The following PPHLN1 variants were observed in gnomAD, a reference collection of about 807,000 sequenced individuals.
The protein encoded by PPHLN1 is periphilin-1.
In PPHLN1, 29 loss-of-function variants were observed where a neutral mutation model predicts 51.3. The ratio of observed to expected loss-of-function variants is 0.57; its 90% CI spans 0.42 to 0.77. PPHLN1 has a LOEUF of 0.77. Among genes scored for constraint, PPHLN1 ranks in the 30% least tolerant of loss-of-function variants. The pLI, the probability that PPHLN1 is intolerant of heterozygous loss-of-function variation, is 0.00. For synonymous variants in PPHLN1, 147 were observed against 147.8 expected, an observed-to-expected ratio of 0.99 and a Z score of 0.04; for missense variants, 436 against 438.4, an observed-to-expected ratio of 0.99 and a Z score of 0.05.
At chr12:42,432,421 A>G in intron 9 of PPHLN1, 1 of 757,020 alleles carries the variant, frequency 1.3e-6, no homozygotes, top group South Asian at 1.4e-5. Context: ...CTTTAGTGCC[A>G]ACAAATACAA....
chr12:42,425,425 C>T (rs987508560), intron 9 of PPHLN1, among the ~76,000 whole-genome samples: 5 of 143,154 alleles, frequency 3.5e-5, no homozygotes, highest in Admixed American at 7.0e-5. Flanking sequence ...CTTGCTCTGT[C>T]GCCCAGGCTG....
At chr12:42,420,678 T>A (rs1013115741) in intron 9 of PPHLN1, among the ~76,000 whole-genome samples, 1 of 16,088 alleles carries the variant, frequency 6.2e-5, no homozygotes, top group Non-Finnish European at 1.2e-4. Flanking sequence ...CGCCCTCCCC[T>A]CCCCTCCCCT....
At chr12:42,335,633 A>G (rs1433301015) in intron 1 of PPHLN1, among the ~76,000 whole-genome samples, 1 of 150,784 alleles carries the variant, frequency 6.6e-6, no homozygotes, top group Non-Finnish European at 1.5e-5. Context: ...GATGGCAACA[A>G]TCTCTTTGAA....
At chr12:42,409,266 T>A (rs2079592944) in intron 9 of PPHLN1, among the ~76,000 whole-genome samples, 1 of 152,022 alleles carries the variant, frequency 6.6e-6, no homozygotes, top group Non-Finnish European at 1.5e-5. Context: ...AATGGACAAC[T>A]CCTGTCACTT....
intron 2 of PPHLN1, among the ~76,000 whole-genome samples, chr12:42,341,253 A>G (rs2137927583): frequency 6.6e-6 from 1 of 152,314 alleles, no homozygotes; most frequent in East Asian, 1.9e-4. Context: ...TGCTGGGATT[A>G]CAGGCGTGAG....
chr12:42,354,201 T>C (rs1415079286), intron 3 of PPHLN1, among the ~76,000 whole-genome samples: 1 of 152,212 alleles, frequency 6.6e-6, no homozygotes, highest in Non-Finnish European at 1.5e-5. Context: ...TTGCATATTG[T>C]ATTATTCTAT....
rs193018404 is a variant in PPHLN1 at position 42,372,145 on chromosome 12, A to G, written c.300-2718A>G. Reference sequence around the variant, plus strand: ...TACATTATATAATACACACACACATATCTGAAAAAATGGCTAATATTACCA... The same window carrying G: ...TACATTATATAATACACACACACATGTCTGAAAAAATGGCTAATATTACCA... On this transcript the variant is annotated intron_variant, in intron 4 of 9. Coordinates refer to ENST00000358314, the MANE Select transcript of PPHLN1 (RefSeq NM_201439.2). Among the ~76,000 whole-genome samples the G allele has an allele frequency of 1.6e-3, 249 of 152,014 alleles. 1 individual carries two copies. The highest frequency in any genetic ancestry group is 5.8e-3 in the African/African-American group (241 of 41,262).
intron 5 of PPHLN1, among the ~76,000 whole-genome samples, chr12:42,383,949 A>G (rs1341309559): frequency 7.7e-6 from 1 of 130,532 alleles, no homozygotes; most frequent in Non-Finnish European, 1.6e-5. Context: ...ACGCCACTGC[A>G]CTCCAGCCTG....
intron 5 of PPHLN1, 75 bp downstream of exon 5, chr12:42,375,149 T>G (rs1393859521): frequency 1.7e-6 from 2 of 1,161,524 alleles, no homozygotes; most frequent in African/African-American, 3.1e-5. Context: ...GATTTCCTTC[T>G]AGGTGTAAGA....
intron 4 of PPHLN1, among the ~76,000 whole-genome samples, chr12:42,364,116 C>G (rs2075009164): frequency 6.6e-6 from 1 of 152,054 alleles, no homozygotes; most frequent in African/African-American, 2.4e-5. Context: ...CCCAGCTACT[C>G]AGGAGACTGA....
chr12:42,384,883 G>T (rs2077062034), intron 5 of PPHLN1, 57 bp from the exon 6 acceptor site: 3 of 1,494,538 alleles, frequency 2.0e-6, no homozygotes, highest in Non-Finnish European at 2.8e-6. Flanking sequence ...TTCTTCTCTT[G>T]TTCCTCTTGG....
intron 9 of PPHLN1, among the ~76,000 whole-genome samples, chr12:42,411,667 G>A (rs2079841851): frequency 6.6e-6 from 1 of 151,980 alleles, no homozygotes; most frequent in African/African-American, 2.4e-5. Context: ...CACTTTGGGA[G>A]GCCGAGGCGG....
intron 9 of PPHLN1, among the ~76,000 whole-genome samples, chr12:42,435,713 G>A (rs565869019): frequency 1.3e-5 from 2 of 151,928 alleles, no homozygotes; most frequent in African/African-American, 2.4e-5. Context: ...ACATTTTACA[G>A]ATGCTAATTA....
downstream of PPHLN1, chr12:42,445,158 A>G: frequency 1.4e-6 from 1 of 701,868 alleles, no homozygotes; most frequent in Non-Finnish European, 2.6e-6. Context: ...TATCACACAT[A>G]TTTGAGCCCA....
intron 2 of PPHLN1, among the ~76,000 whole-genome samples, chr12:42,350,626 G>A (rs570585902): frequency 7.0e-4 from 107 of 152,314 alleles, no homozygotes; most frequent in African/African-American, 2.5e-3. Context: ...CTGGGAGGTG[G>A]AGGTTGTAGC....
At chr12:42,419,847 A>T (rs186314163) in intron 9 of PPHLN1, among the ~76,000 whole-genome samples, 1 of 152,330 alleles carries the variant, frequency 6.6e-6, no homozygotes, top group East Asian at 1.9e-4. Flanking sequence ...ATGTGTAATT[A>T]TATCTGTACA....
At position 42,366,535 on chromosome 12, in the gene PPHLN1, TTTTTTGTTTTTG is replaced by T. The variant is rs552297283; in HGVS notation, c.300-8310_300-8299del. Among the ~76,000 whole-genome samples, 15 of 151,708 alleles carry T rather than the reference TTTTTTGTTTTTG, an allele frequency of 9.9e-5. No individual in the cohort carries two copies. In the East Asian group the frequency reaches 1.2e-3, roughly 12 times the overall value. On this transcript the variant is annotated intron_variant, in intron 4 of 9. Transcript: ENST00000358314. Reference sequence around the variant, plus strand: ...AGCCTGCACCTGGCCTTTCTTGTTTTTTTTTGTTTTTGTTTTTGTTTTTGTTTTTTTGAGACA... The same window carrying T: ...AGCCTGCACCTGGCCTTTCTTGTTTTTTTTTGTTTTTGTTTTTTTGAGACA...
chr12:42,380,137 G>T (rs1008587884), intron 5 of PPHLN1, among the ~76,000 whole-genome samples: 3 of 151,946 alleles, frequency 2.0e-5, no homozygotes, highest in African/African-American at 7.2e-5. Flanking sequence ...TAAATCCCCG[G>T]TGGCTCCTAG....
intron 9 of PPHLN1, among the ~76,000 whole-genome samples, chr12:42,430,996 T>C (rs2081990737): frequency 6.6e-6 from 1 of 152,266 alleles, no homozygotes; most frequent in South Asian, 2.1e-4. Context: ...TGAATGGACA[T>C]GACTAATTCA....
Sources: gnomAD v4.1 joint callset for allele counts (sites outside exome capture counted in the v4.1 genomes callset) on GRCh38, gnomAD v4.1.1 for gene constraint, MANE v1.5 for transcripts, NCBI Gene and HGNC (gene_info 2026-07-23, HGNC 2026-07-21) for gene names.